Variants in PTPN11 observed in about 807,000 individuals in gnomAD.
The protein encoded by PTPN11 is protein tyrosine phosphatase non-receptor type 11.
PTPN11 carries 6 observed loss-of-function variants against 78.8 expected under a neutral mutation model. That is an observed-to-expected ratio of 0.08 (90% CI 0.04 to 0.15). The LOEUF is 0.15. Among genes scored for constraint, PTPN11 ranks in the 10% least tolerant of loss-of-function variants. PTPN11 has a pLI of 1.00. For synonymous variants in PTPN11, 221 were observed against 263.5 expected (o/e 0.84, Z 1.56); for missense variants, 386 against 744.8 (o/e 0.52, Z 5.61).
intron 6 of PTPN11, among the ~76,000 whole-genome samples, chr12:112,460,670 G>A (rs993966234): frequency 2.6e-5 from 4 of 151,842 alleles, no homozygotes; most frequent in African/African-American, 9.7e-5. Context: ...GGTGAAACCC[G>A]GTCTCTACTA....
rs1329795096 is a variant in PTPN11, at chr12:112,456,200, C to T, written c.756+137C>T. On this transcript the variant is annotated intron_variant, in intron 6 of 15. Transcript: ENST00000351677. Reference sequence around the variant, plus strand: ...TTTTTAATTCGGCCATTGATTGACACGGAGCAAGTTGCTGAGAGGGCTTCT... The same window carrying T: ...TTTTTAATTCGGCCATTGATTGACATGGAGCAAGTTGCTGAGAGGGCTTCT... 130 of 702,894 alleles carry T rather than the reference C, an allele frequency of 1.8e-4. No individual in the cohort carries two copies. The East Asian group carries it at 2.7e-3, about 14-fold the overall frequency. The allele number at this position is 702,894 out of a possible 1,614,324, so 43.5% of individuals were successfully genotyped here. A position where few individuals can be genotyped will look rare whatever the true frequency, so the allele number is the denominator to read the frequency against.
intron 6 of PTPN11, among the ~76,000 whole-genome samples, chr12:112,461,792 C>T (rs80090068): frequency 1.3e-5 from 2 of 151,868 alleles, no homozygotes; most frequent in African/African-American, 2.4e-5. Flanking sequence ...TTTTTTTTTC[C>T]TGATTTGAAA....
At chr12:112,472,673 G>A (rs2038437396) in intron 6 of PTPN11, among the ~76,000 whole-genome samples, 1 of 151,546 alleles carries the variant, frequency 6.6e-6, no homozygotes, top group African/African-American at 2.4e-5. Flanking sequence ...GCTAATTTTT[G>A]TGTTTTTGGT....
At position 112,477,659 on chromosome 12, in the gene PTPN11, A is replaced by G. The variant is rs2135900982; in HGVS notation, c.862A>G (p.Thr288Ala). Reference protein sequence around the residue: ...RYKNILPFDHTRVVLHDGDPN... With the variant: ...RYKNILPFDHARVVLHDGDPN... ...GTCTCTTTTTCTTCTAGTTGATCAT[A>G]CCAGGGTTGTCCTACACGATGGTGA... Residue 288 changes from threonine to alanine, a missense_variant, in exon 8 of 16, where the codon ACC (threonine) becomes GCC (alanine). Coordinates refer to ENST00000351677, the MANE Select transcript of PTPN11 (RefSeq NM_002834.5). 6.2e-7 allele frequency: 1 copy of G among 1,611,296 alleles called. No homozygotes were observed. The highest frequency in any genetic ancestry group is 8.5e-7 in the Non-Finnish European group (1 of 1,178,350).
At chr12:112,454,867 T>G in intron 5 of PTPN11, 187 bp downstream of exon 5, 1 of 640,978 alleles carries the variant, frequency 1.6e-6, no homozygotes, top group South Asian at 1.5e-5. Flanking sequence ...TCACCCAGTC[T>G]GGAGTACAGT....
At chr12:112,440,969 T>C (rs1228025114) in intron 1 of PTPN11, among the ~76,000 whole-genome samples, 3 of 149,914 alleles carry the variant, frequency 2.0e-5, no homozygotes, top group Non-Finnish European at 1.5e-5. Flanking sequence ...TCTTTTCTTT[T>C]TTTTTTTTTT....
chr12:112,480,366 C>CT (rs570561435), intron 9 of PTPN11, among the ~76,000 whole-genome samples: 13,719 of 130,230 alleles, frequency 0.11, 861 homozygotes, highest in East Asian at 0.22. Flanking sequence ...CCACATCGTT[C>CT]TTTTTTTTTT....
At chr12:112,453,124 A>T (rs1039625817) in intron 3 of PTPN11, 71 bp from the exon 4 acceptor site, 5 of 1,282,284 alleles carry the variant, frequency 3.9e-6, no homozygotes, top group Non-Finnish European at 5.6e-6. Flanking sequence ...GACTGTATAC[A>T]GTAGTTTTGT....
intron 6 of PTPN11, among the ~76,000 whole-genome samples, chr12:112,470,464 C>T (rs905587572): frequency 1.3e-5 from 2 of 152,118 alleles, no homozygotes; most frequent in African/African-American, 2.4e-5. Context: ...AGTAGCTTGG[C>T]GAAACAGAAA....
At chr12:112,483,544 A>C (rs2038629104) in intron 10 of PTPN11, among the ~76,000 whole-genome samples, 1 of 152,118 alleles carries the variant, frequency 6.6e-6, no homozygotes, top group Admixed American at 6.5e-5. Flanking sequence ...TGAGTCAGCA[A>C]AGGAGGTTGT....
intron 1 of PTPN11, among the ~76,000 whole-genome samples, chr12:112,436,318 T>C (rs1459595112): frequency 6.6e-6 from 1 of 152,234 alleles, no homozygotes; most frequent in African/African-American, 2.4e-5. Context: ...TAGTTTTAAA[T>C]GCTTTATATG....
chr12:112,495,576 T>A (rs2135923367), intron 13 of PTPN11, among the ~76,000 whole-genome samples: 1 of 152,268 alleles, frequency 6.6e-6, no homozygotes, highest in South Asian at 2.1e-4. Context: ...AGTTAGTATC[T>A]GCCAGATTTT....
intron 1 of PTPN11, among the ~76,000 whole-genome samples, chr12:112,426,615 A>T (rs1335398813): frequency 6.6e-6 from 1 of 151,840 alleles, no homozygotes; most frequent in African/African-American, 2.4e-5. Flanking sequence ...TACAGACACA[A>T]ATTATGTCTC....
intron 6 of PTPN11, 128 bp from the exon 7 acceptor site, chr12:112,472,816 G>A (rs1220729261): frequency 2.5e-5 from 21 of 838,532 alleles, no homozygotes; most frequent in Non-Finnish European, 3.7e-5. Flanking sequence ...GAACATTCTT[G>A]TAGCTATCGC....
rs11066318 is a variant in PTPN11 at position 112,464,520 on chromosome 12, C to T, written c.757-8424C>T. Among the ~76,000 whole-genome samples, 1,862 of 151,668 alleles carry T rather than the reference C, an allele frequency of 0.012. 269 individuals are homozygous for T. In the East Asian group the frequency reaches 0.32, roughly 26 times the overall value. ...TGTGATAGCTCACTGCAACCTCCAC[C>T]TCCCGGGTTCTTGTGCCTCAGCCAC... On this transcript the variant is annotated intron_variant, in intron 6 of 15. Coordinates refer to ENST00000351677, the MANE Select transcript of PTPN11 (RefSeq NM_002834.5).
intron 6 of PTPN11, among the ~76,000 whole-genome samples, chr12:112,467,519 G>A (rs1345292507): frequency 6.6e-6 from 1 of 152,118 alleles, no homozygotes; most frequent in Non-Finnish European, 1.5e-5. Context: ...ATTTGAGACA[G>A]TGTCTCACTC....
At chr12:112,470,836 C>G (rs1016266927) in intron 6 of PTPN11, among the ~76,000 whole-genome samples, 1 of 152,132 alleles carries the variant, frequency 6.6e-6, no homozygotes, top group Non-Finnish European at 1.5e-5. Context: ...AGTGTTTGAA[C>G]TTCTTTTTGA....
chr12:112,438,361 C>A (rs1180685228), intron 1 of PTPN11, among the ~76,000 whole-genome samples: 6 of 152,060 alleles, frequency 3.9e-5, no homozygotes, highest in Non-Finnish European at 8.8e-5. Context: ...CCCACTCTTG[C>A]CCTGGCTGGA....
chr12:112,456,981 G>A (rs577220906), intron 6 of PTPN11, among the ~76,000 whole-genome samples: 7 of 151,976 alleles, frequency 4.6e-5, no homozygotes, highest in East Asian at 3.9e-4. Context: ...TGTGCAGAAC[G>A]TGCAGGTTTG....
Sources: gnomAD v4.1 joint callset for allele counts (sites outside exome capture counted in the v4.1 genomes callset) on GRCh38, gnomAD v4.1.1 for gene constraint, MANE v1.5 for transcripts, NCBI Gene and HGNC (gene_info 2026-07-23, HGNC 2026-07-21) for gene names.